PPARD: variants seen among roughly 807,000 people sequenced by gnomAD.
PPARD encodes the protein peroxisome proliferator activated receptor delta.
A neutral mutation model predicts 39.5 loss-of-function variants in PPARD; 6 were observed. The ratio of observed to expected loss-of-function variants is 0.15; its 90% CI spans 0.08 to 0.30. The LOEUF (loss-of-function observed/expected upper bound fraction) is 0.30. Ranked by LOEUF, PPARD falls within the 10% of genes least tolerant of loss-of-function variation. The pLI, the probability that PPARD is intolerant of heterozygous loss-of-function variation, is 1.00. For synonymous variants in PPARD, 210 were observed against 231.3 expected, an observed-to-expected ratio of 0.91 and a Z score of 0.83; for missense variants, 397 against 596.8, an observed-to-expected ratio of 0.67 and a Z score of 3.49.
intron 2 of PPARD, among the ~76,000 whole-genome samples, chr6:35,357,257 C>T (rs1476772969): frequency 6.6e-6 from 1 of 152,208 alleles, no homozygotes; most frequent in African/African-American, 2.4e-5. Flanking sequence ...CCACCCCAAG[C>T]TGCACTCATG....
intron 2 of PPARD, among the ~76,000 whole-genome samples, chr6:35,369,449 C>T (rs1762369011): frequency 6.6e-6 from 1 of 152,190 alleles, no homozygotes; most frequent in Non-Finnish European, 1.5e-5. Flanking sequence ...AGCGTGCATT[C>T]CCGCCTCGAT....
chr6:35,350,204 T>TTG (rs945199829), intron 2 of PPARD, among the ~76,000 whole-genome samples: 1 of 152,234 alleles, frequency 6.6e-6, no homozygotes, highest in Non-Finnish European at 1.5e-5. Context: ...ATTCTGTGGG[T>TTG]TGTCTCTTCA....
chr6:35,399,271 G>C (rs1217303261), intron 2 of PPARD, among the ~76,000 whole-genome samples: 1 of 151,034 alleles, frequency 6.6e-6, no homozygotes, highest in Non-Finnish European at 1.5e-5. Flanking sequence ...GTGGTGGCAG[G>C]TGCCTGTAAT....
chr6:35,414,493 A>T (rs945055716), intron 3 of PPARD, among the ~76,000 whole-genome samples: 9 of 152,124 alleles, frequency 5.9e-5, no homozygotes, highest in African/African-American at 2.2e-4. Context: ...CTGGAGACAG[A>T]GCCTGATCAT....
chr6:35,379,213 C>T (rs562480184), intron 2 of PPARD, among the ~76,000 whole-genome samples: 9 of 151,752 alleles, frequency 5.9e-5, no homozygotes, highest in Non-Finnish European at 1.3e-4. Flanking sequence ...AAGCGATTCT[C>T]CTGCCTCAGC....
chr6:35,368,973 A>G, intron 2 of PPARD, among the ~76,000 whole-genome samples: 1 of 152,168 alleles, frequency 6.6e-6, no homozygotes, highest in East Asian at 1.9e-4. Flanking sequence ...GAAGAATATG[A>G]CAACCCTAGA....
chr6:35,359,800 T>C (rs9658079), intron 2 of PPARD, among the ~76,000 whole-genome samples: 2,108 of 152,320 alleles, frequency 0.014, 20 homozygotes, highest in Middle Eastern at 0.027. Context: ...GTAGGAACCA[T>C]TGTACCCCTT....
rs1765484694 is a variant in PPARD at position 35,412,352 on chromosome 6, T to C, written c.130+1135T>C. 6.6e-6 allele frequency among the ~76,000 whole-genome samples: 1 copy of C among 152,226 alleles called. No homozygotes were observed. Among genetic ancestry groups the C allele is most frequent in the Non-Finnish European group, 1.5e-5 (1 of 68,030 alleles). ...GGAACTCAGGGTCATAAGGATATAC[T>C]GCTGGGAGTAGACACCCTGCACTCG... On this transcript the variant is annotated intron_variant, in intron 3 of 7. Transcript: ENST00000360694. The surrounding 1 kb of genome is among the most constrained non-coding windows in gnomAD (Gnocchi z 4.1).
chr6:35,353,488 T>C (rs1761383466), intron 2 of PPARD, among the ~76,000 whole-genome samples: 1 of 152,214 alleles, frequency 6.6e-6, no homozygotes, highest in Non-Finnish European at 1.5e-5. Context: ...TCACAAACTT[T>C]AGAAGGCAAC....
At chr6:35,394,393 A>G (rs1764190871) in intron 2 of PPARD, among the ~76,000 whole-genome samples, 1 of 152,146 alleles carries the variant, frequency 6.6e-6, no homozygotes, top group South Asian at 2.1e-4. Context: ...ATTTTCTACA[A>G]TCATTTATAT....
intron 2 of PPARD, among the ~76,000 whole-genome samples, chr6:35,361,571 C>T (rs144748048): frequency 1.0e-3 from 158 of 152,268 alleles, no homozygotes; most frequent in Admixed American, 3.9e-3. Flanking sequence ...CATTGGCCTG[C>T]GTAGGTATTA....
intron 2 of PPARD, among the ~76,000 whole-genome samples, chr6:35,365,361 C>T (rs1214431568): frequency 6.7e-6 from 1 of 149,952 alleles, no homozygotes; most frequent in Admixed American, 6.6e-5. Flanking sequence ...AGGAAGGTCT[C>T]GATCTCCTGA....
chr6:35,383,207 C>T (rs1396893530), intron 2 of PPARD, among the ~76,000 whole-genome samples: 2 of 152,142 alleles, frequency 1.3e-5, no homozygotes. Flanking sequence ...CCTGTGTGCC[C>T]AAGGGATGGT....
At chr6:35,371,657 T>A (rs181768392) in intron 2 of PPARD, among the ~76,000 whole-genome samples, 2 of 152,324 alleles carry the variant, frequency 1.3e-5, no homozygotes, top group Admixed American at 1.3e-4. Context: ...CTGATTTTCC[T>A]GCCTGTAGTG....
At chr6:35,369,329 T>G (rs1762362946) in intron 2 of PPARD, among the ~76,000 whole-genome samples, 1 of 152,228 alleles carries the variant, frequency 6.6e-6, no homozygotes, top group Non-Finnish European at 1.5e-5. Flanking sequence ...GTCCACCTGT[T>G]GACAGTGTGC....
In PPARD at chr6:35,378,159, G is replaced by C. The variant is rs576751435; in HGVS notation, c.-102+31009G>C. ...TTACAGGCATGAGCTACTGCGCCTG[G>C]CCACGTATCTCCTTTTTTCAGCCGA... On this transcript the variant is annotated intron_variant, in intron 2 of 7. Coordinates refer to ENST00000360694, the MANE Select transcript of PPARD (RefSeq NM_006238.5). Among the ~76,000 whole-genome samples, 15 of 152,210 alleles carry C rather than the reference G, an allele frequency of 9.9e-5. No homozygotes were observed. In the South Asian group the frequency reaches 2.9e-3, roughly 29 times the overall value.
At chr6:35,355,552 T>TA (rs1171537260) in intron 2 of PPARD, among the ~76,000 whole-genome samples, 1,362 of 59,390 alleles carry the variant, frequency 0.023, 63 homozygotes, top group Non-Finnish European at 0.029. Flanking sequence ...GCCCTGTCTG[T>TA]AAAAAAAAAA....
intron 2 of PPARD, among the ~76,000 whole-genome samples, chr6:35,388,075 G>T (rs1159300395): frequency 6.6e-6 from 1 of 151,012 alleles, no homozygotes; most frequent in Non-Finnish European, 1.5e-5. Flanking sequence ...ATGTATGTTA[G>T]GTGGACTGTG....
chr6:35,416,334 A>T (rs890167820), intron 3 of PPARD, among the ~76,000 whole-genome samples: 6 of 135,096 alleles, frequency 4.4e-5, no homozygotes, highest in Non-Finnish European at 9.2e-5. Flanking sequence ...AGATCGCGCC[A>T]TTGCACTCCA....
Sources: allele counts gnomAD v4.1 joint callset (sites outside exome capture counted in the v4.1 genomes callset), GRCh38; gene constraint gnomAD v4.1.1; non-coding constraint Gnocchi (gnomAD v3.1); transcripts MANE v1.5; gene names NCBI Gene and HGNC (gene_info 2026-07-23, HGNC 2026-07-21).